ARHGAP32: variants seen among roughly 807,000 people sequenced by gnomAD.
ARHGAP32 encodes the protein Rho GTPase activating protein 32, also known as rho GTPase-activating protein 32.
Under a neutral mutation model 186.5 loss-of-function variants are expected in ARHGAP32, and 51 were observed. That is an observed-to-expected ratio of 0.27 (90% CI 0.22 to 0.35). ARHGAP32 has a LOEUF of 0.35. Ranked by LOEUF, ARHGAP32 falls within the 10% of genes least tolerant of loss-of-function variation. The probability of loss-of-function intolerance (pLI) is 1.00; values close to 1 mark genes in which losing one functional copy is unlikely to be tolerated. For synonymous variants in ARHGAP32, 950 were observed against 964.3 expected (o/e 0.99, Z 0.27); for missense variants, 2,186 against 2,623.5 (o/e 0.83, Z 3.64).
chr11:129,119,028 T>C (rs1942450055), intron 5 of ARHGAP32, among the ~76,000 whole-genome samples: 1 of 152,036 alleles, frequency 6.6e-6, no homozygotes, highest in African/African-American at 2.4e-5. Context: ...TCCATGGAAG[T>C]AGACTAAAAT....
At position 129,123,361 on chromosome 11, in the gene ARHGAP32, T is replaced by C. The variant is rs879219977; in HGVS notation, c.444+85A>G. 3 of 1,130,440 alleles carry C rather than the reference T, an allele frequency of 2.7e-6. No homozygotes were observed. The South Asian group carries it at 4.4e-5, about 17-fold the overall frequency. The allele number at this position is 1,130,440 out of a possible 1,614,324, so 70.0% of individuals were successfully genotyped here. On this transcript the variant is annotated intron_variant, in intron 5 of 22. Coordinates refer to ENST00000682385, the MANE Select transcript of ARHGAP32 (RefSeq NM_001378024.1). The surrounding 1 kb of genome is among the most constrained non-coding windows in gnomAD (Gnocchi z 4.6). Reference sequence around the variant, plus strand: ...AAAACTACTTCAAAGTGTCATCTATTAGATACAGATATATAGATAAGCATC... The same window carrying C: ...AAAACTACTTCAAAGTGTCATCTATCAGATACAGATATATAGATAAGCATC...
chr11:129,267,106 A>T (rs553017677), intron 1 of ARHGAP32, among the ~76,000 whole-genome samples: 4 of 152,322 alleles, frequency 2.6e-5, no homozygotes, highest in African/African-American at 9.6e-5. Flanking sequence ...TTCTAAAAAC[A>T]AACTCAGAGT....
chr11:129,223,417 A>G (rs1427098998), intron 1 of ARHGAP32, among the ~76,000 whole-genome samples: 1 of 152,196 alleles, frequency 6.6e-6, no homozygotes, highest in Non-Finnish European at 1.5e-5. Flanking sequence ...ACAATTCATG[A>G]CTGAGTGCTG....
intron 10 of ARHGAP32, among the ~76,000 whole-genome samples, chr11:129,050,235 G>A (rs1019409058): frequency 2.0e-5 from 3 of 152,180 alleles, no homozygotes; most frequent in Non-Finnish European, 2.9e-5. Context: ...CCTCATTGTT[G>A]TTTTAACCTA....
rs546609297 is a variant in ARHGAP32 at position 129,127,722 on chromosome 11, G to A, written c.226-2828C>T. On this transcript the variant is annotated intron_variant, in intron 2 of 22. Transcript: ENST00000682385. ...TTGCTCCAAACCAAAGATTAAGAAA[G>A]TTCTTTTTTAGAAAATAGTTCATTA... Among the ~76,000 whole-genome samples the A allele has an allele frequency of 2.6e-5, 4 of 152,002 alleles. No homozygotes were observed. In the East Asian group the frequency reaches 5.8e-4, roughly 22 times the overall value.
At position 129,278,912 on chromosome 11, in the gene ARHGAP32, G is replaced by C. The variant is rs1323181158; in HGVS notation, c.-5+234C>G. ...GCCCGGCTCGCGGAGGCCGCGGGGA[G>C]CGCGGGGCGCGGGCGCGGGAGGCGG... On this transcript the variant is annotated intron_variant, in intron 1 of 6. Transcript: ENST00000525234. 2.7e-5 allele frequency among the ~76,000 whole-genome samples: 4 copies of C among 148,792 alleles called. No individual in the cohort carries two copies. In the South Asian group the frequency reaches 8.3e-4, roughly 31 times the overall value.
intron 5 of ARHGAP32, among the ~76,000 whole-genome samples, chr11:129,117,290 A>C (rs1942393251): frequency 6.6e-6 from 1 of 152,028 alleles, no homozygotes; most frequent in East Asian, 1.9e-4. Context: ...TGTACCTGAA[A>C]TTGTTGTGGA....
chr11:129,177,656 C>G (rs888788507), intron 1 of ARHGAP32, among the ~76,000 whole-genome samples: 33 of 152,034 alleles, frequency 2.2e-4, no homozygotes, highest in Non-Finnish European at 3.2e-4. Context: ...TAAATGTAAT[C>G]CAGCATATAA....
chr11:129,267,815 T>C (rs1945423507), intron 1 of ARHGAP32, among the ~76,000 whole-genome samples: 1 of 152,206 alleles, frequency 6.6e-6, no homozygotes, highest in Non-Finnish European at 1.5e-5. Flanking sequence ...AGGCTGCTTC[T>C]ACTCATGGCA....
At chr11:129,238,886 G>T (rs1045544141) in intron 1 of ARHGAP32, among the ~76,000 whole-genome samples, 1 of 151,956 alleles carries the variant, frequency 6.6e-6, no homozygotes, top group African/African-American at 2.4e-5. Context: ...CCAGGCTGGG[G>T]TGCAGTGGTG....
intron 12 of ARHGAP32, among the ~76,000 whole-genome samples, chr11:128,993,616 CTA>C (rs1335342235): frequency 1.3e-5 from 2 of 151,144 alleles, no homozygotes; most frequent in Non-Finnish European, 2.9e-5. Context: ...AAAATAGTCT[CTA>C]TATATATTTG....
chr11:129,205,188 A>G (rs1423450587), intron 1 of ARHGAP32, among the ~76,000 whole-genome samples: 2 of 152,112 alleles, frequency 1.3e-5, no homozygotes, highest in Admixed American at 6.5e-5. Context: ...AGATATCAAT[A>G]TTATCATCTC....
At chr11:128,984,227 T>C (rs1265823504) in intron 15 of ARHGAP32, among the ~76,000 whole-genome samples, 1 of 151,822 alleles carries the variant, frequency 6.6e-6, no homozygotes, top group Non-Finnish European at 1.5e-5. Context: ...TACAAAAAAT[T>C]AGCTGGGCAT....
intron 5 of ARHGAP32, among the ~76,000 whole-genome samples, chr11:129,105,761 A>G (rs1942031555): frequency 6.6e-6 from 1 of 152,168 alleles, no homozygotes; most frequent in African/African-American, 2.4e-5. Flanking sequence ...AGAAACAGGA[A>G]AGCACACATT....
intron 2 of ARHGAP32, among the ~76,000 whole-genome samples, chr11:129,131,452 C>T (rs920992680): frequency 6.6e-6 from 1 of 152,116 alleles, no homozygotes; most frequent in Non-Finnish European, 1.5e-5. Context: ...TGATGTCTTT[C>T]ACACTCATTT....
intron 5 of ARHGAP32, among the ~76,000 whole-genome samples, chr11:129,117,153 A>T (rs919632499): frequency 6.6e-6 from 1 of 151,998 alleles, no homozygotes; most frequent in Non-Finnish European, 1.5e-5. Flanking sequence ...GAGTCAGTCT[A>T]TTCTTTTCTA....
At chr11:129,026,506 T>C (rs575726502) in intron 11 of ARHGAP32, among the ~76,000 whole-genome samples, 10 of 152,216 alleles carry the variant, frequency 6.6e-5, no homozygotes, top group Non-Finnish European at 1.3e-4. Context: ...TAAAAACTAC[T>C]TGAGTGGGGC....
At chr11:129,159,048 G>A (rs945093575) in intron 2 of ARHGAP32, among the ~76,000 whole-genome samples, 1 of 152,114 alleles carries the variant, frequency 6.6e-6, no homozygotes. Flanking sequence ...TCTGGGACAA[G>A]TGAAAGCAGT....
At chr11:129,148,099 G>A (rs482561) in intron 2 of ARHGAP32, among the ~76,000 whole-genome samples, 43,267 of 152,124 alleles carry the variant, frequency 0.28, 6,469 homozygotes, top group Middle Eastern at 0.4. Context: ...GTGGATAGCA[G>A]ACAATGCTAA....
Sources: allele counts gnomAD v4.1 joint callset (sites outside exome capture counted in the v4.1 genomes callset), GRCh38; gene constraint gnomAD v4.1.1; non-coding constraint Gnocchi (gnomAD v3.1); transcripts MANE v1.5; gene names NCBI Gene and HGNC (gene_info 2026-07-23, HGNC 2026-07-21).